CDH8: variants seen among roughly 807,000 people sequenced by gnomAD.
The protein encoded by CDH8 is cadherin 8.
CDH8 carries 17 observed loss-of-function variants against 68.1 expected under a neutral mutation model. That is an observed-to-expected ratio of 0.25 (90% CI 0.17 to 0.37). The LOEUF (loss-of-function observed/expected upper bound fraction) is 0.37. Among genes scored for constraint, CDH8 ranks in the 10% least tolerant of loss-of-function variants. The probability of loss-of-function intolerance (pLI) is 1.00; values close to 1 mark genes in which losing one functional copy is unlikely to be tolerated. For missense variants in CDH8, 763 were observed against 999.3 expected, an observed-to-expected ratio of 0.76 and a Z score of 3.19; for synonymous variants, 372 against 365.1, an observed-to-expected ratio of 1.02 and a Z score of -0.21.
chr16:61,726,189 G>A (rs1171943614), intron 9 of CDH8: 2 of 150,862 alleles, frequency 1.3e-5, no homozygotes, highest in African/African-American at 4.8e-5. Flanking sequence ...ACTGTCAGCT[G>A]CTGTTTATTT....
chr16:61,696,937 C>CT (rs1170030253), intron 10 of CDH8, among the ~76,000 whole-genome samples: 1 of 152,042 alleles, frequency 6.6e-6, no homozygotes, highest in Non-Finnish European at 1.5e-5. Context: ...CTGGGGACCA[C>CT]TCGGGGGAGG....
chr16:61,946,090 C>T (rs1964796687), intron 2 of CDH8, among the ~76,000 whole-genome samples: 1 of 152,170 alleles, frequency 6.6e-6, no homozygotes, highest in South Asian at 2.1e-4. Flanking sequence ...TTTCTACTGC[C>T]TCCTGCCCAC....
intron 10 of CDH8, among the ~76,000 whole-genome samples, chr16:61,656,890 T>C (rs1302257025): frequency 6.6e-6 from 1 of 152,152 alleles, no homozygotes; most frequent in Non-Finnish European, 1.5e-5. Flanking sequence ...TGCAGTCACA[T>C]TGTATATAAT....
At chr16:61,968,801 G>A (rs372197563) in intron 2 of CDH8, among the ~76,000 whole-genome samples, 8 of 152,180 alleles carry the variant, frequency 5.3e-5, no homozygotes, top group South Asian at 4.1e-4. Context: ...GGAGTTTGCC[G>A]ATCACAAGCA....
chr16:61,799,308 G>A (rs1350459686), intron 7 of CDH8, among the ~76,000 whole-genome samples: 1 of 152,092 alleles, frequency 6.6e-6, no homozygotes, highest in African/African-American at 2.4e-5. Context: ...GAATGATGAA[G>A]TATAAAAAAA....
intron 10 of CDH8, among the ~76,000 whole-genome samples, chr16:61,666,848 C>A (rs181827648): frequency 6.6e-6 from 1 of 151,976 alleles, no homozygotes; most frequent in Non-Finnish European, 1.5e-5. Flanking sequence ...AATAAAAATA[C>A]CAAATCCAGA....
At chr16:61,920,190 T>C (rs1333798605) in intron 2 of CDH8, among the ~76,000 whole-genome samples, 3 of 141,198 alleles carry the variant, frequency 2.1e-5, no homozygotes, top group Admixed American at 7.1e-5. Flanking sequence ...GACATAGGCA[T>C]GGGCAAGGAC....
intron 10 of CDH8, among the ~76,000 whole-genome samples, chr16:61,656,574 A>AT (rs1185392864): frequency 6.6e-6 from 1 of 152,158 alleles, no homozygotes; most frequent in Non-Finnish European, 1.5e-5. Context: ...CAAAAGCCCT[A>AT]TTTACTACCC....
chr16:61,658,679 A>G (rs1244450923), intron 10 of CDH8, among the ~76,000 whole-genome samples: 2 of 152,170 alleles, frequency 1.3e-5, no homozygotes, highest in East Asian at 3.9e-4. Context: ...GCATTTTCTC[A>G]TACCGTGTTC....
chr16:61,848,427 G>T (rs1429839713), intron 4 of CDH8, among the ~76,000 whole-genome samples: 1 of 152,068 alleles, frequency 6.6e-6, no homozygotes, highest in Non-Finnish European at 1.5e-5. Context: ...AAAATGGTTT[G>T]TCCAAAGGTG....
At chr16:61,735,537 A>G (rs1327692077) in intron 8 of CDH8, among the ~76,000 whole-genome samples, 1 of 127,384 alleles carries the variant, frequency 7.9e-6, no homozygotes, top group East Asian at 2.4e-4. Context: ...TATTCAATAC[A>G]TAGTTATATA....
intron 1 of CDH8, among the ~76,000 whole-genome samples, chr16:62,024,668 A>C (rs1377437399): frequency 6.6e-6 from 1 of 152,232 alleles, no homozygotes; most frequent in Non-Finnish European, 1.5e-5. Flanking sequence ...GTTAATTAAA[A>C]AGGGGATACG....
intron 10 of CDH8, among the ~76,000 whole-genome samples, chr16:61,706,985 C>T (rs1429313398): frequency 6.6e-6 from 1 of 152,120 alleles, no homozygotes; most frequent in Non-Finnish European, 1.5e-5. Flanking sequence ...TGTAATGATG[C>T]TTATGTTCAA....
intron 8 of CDH8, among the ~76,000 whole-genome samples, chr16:61,750,606 G>A (rs1960135613): frequency 6.6e-6 from 1 of 151,976 alleles, no homozygotes; most frequent in Admixed American, 6.6e-5. Context: ...GTTGACTCTA[G>A]TTTATTATAC....
At chr16:61,755,852 G>A (rs763106870) in intron 8 of CDH8, among the ~76,000 whole-genome samples, 3 of 150,768 alleles carry the variant, frequency 2.0e-5, no homozygotes, top group African/African-American at 4.9e-5. Flanking sequence ...CTCGCGTCTC[G>A]CTCTGTCGCC....
At chr16:62,031,825 G>A (rs556755109) in intron 1 of CDH8, among the ~76,000 whole-genome samples, 43 of 152,252 alleles carry the variant, frequency 2.8e-4, no homozygotes, top group Admixed American at 1.0e-3. Context: ...GCTTTGCCAT[G>A]AAGCAACAGA....
At chr16:61,972,674 C>T (rs71387004) in intron 2 of CDH8, among the ~76,000 whole-genome samples, 5,523 of 150,538 alleles carry the variant, frequency 0.037, 138 homozygotes, top group South Asian at 0.057. Flanking sequence ...TGTAATTGGA[C>T]CATGAGCAGG....
At chr16:61,675,097 G>A (rs28776606) in intron 10 of CDH8, among the ~76,000 whole-genome samples, 33,351 of 151,876 alleles carry the variant, frequency 0.22, 4,019 homozygotes, top group Middle Eastern at 0.3. Flanking sequence ...CTGAATAATA[G>A]GTTAAAGGAA....
At chr16:61,807,642 A>T (rs532598484) in intron 7 of CDH8, among the ~76,000 whole-genome samples, 2 of 152,290 alleles carry the variant, frequency 1.3e-5, no homozygotes, top group South Asian at 2.1e-4. Context: ...GGGCGTGGTC[A>T]GGAGACAGCC....
Sources: gnomAD v4.1 joint callset for allele counts (sites outside exome capture counted in the v4.1 genomes callset) on GRCh38, gnomAD v4.1.1 for gene constraint, MANE v1.5 for transcripts, NCBI Gene and HGNC (gene_info 2026-07-23, HGNC 2026-07-21) for gene names.